The following TTLL11 variants were observed in gnomAD, a reference collection of about 807,000 sequenced individuals.
TTLL11 encodes tubulin tyrosine ligase like 11, also known as tubulin polyglutamylase TTLL11.
A neutral mutation model predicts 51.7 loss-of-function variants in TTLL11; 42 were observed. The ratio of observed to expected loss-of-function variants is 0.81; its 90% CI spans 0.64 to 1.05. The LOEUF (loss-of-function observed/expected upper bound fraction) is 1.05. TTLL11 is among the 50% of genes least tolerant of loss of function. The pLI is 0.00. For synonymous variants in TTLL11, 381 were observed against 383.5 expected, an observed-to-expected ratio of 0.99 and a Z score of 0.08; for missense variants, 799 against 940.4, an observed-to-expected ratio of 0.85 and a Z score of 1.97.
chr9:122,062,439 C>T (rs956891661), intron 1 of TTLL11, among the ~76,000 whole-genome samples: 2 of 145,750 alleles, frequency 1.4e-5, no homozygotes, highest in Non-Finnish European at 3.0e-5. Flanking sequence ...ATTATAAGAA[C>T]TGTGCAAGAT....
At chr9:121,903,209 A>T (rs559123311) in intron 6 of TTLL11, among the ~76,000 whole-genome samples, 48 of 152,306 alleles carry the variant, frequency 3.2e-4, no homozygotes, top group African/African-American at 1.1e-3. Context: ...TTACAGACAG[A>T]AAAACTAAAG....
chr9:121,822,646 G>T lies in TTLL11; in HGVS notation c.2074C>A (p.Pro692Thr). 2 of 1,521,352 alleles carry T rather than the reference G, an allele frequency of 1.3e-6. No individual in the cohort carries two copies. Among genetic ancestry groups the T allele is most frequent in the Non-Finnish European group, 1.8e-6 (2 of 1,133,522 alleles). 94.2% of individuals were successfully genotyped at this position (1,521,352 alleles called of 1,614,324 possible). A position where few individuals can be genotyped will look rare whatever the true frequency, so the allele number is the denominator to read the frequency against. Residue 692 changes from proline to threonine, a missense_variant, in exon 9 of 9, where the codon CCC becomes ACC. Pro to Thr is a conservative substitution (Grantham distance 38). Transcript: ENST00000321582. This position sits in a 1 kb window ranked among gnomAD's most constrained non-coding sequence, Gnocchi z 5.8. ...SPSAQPAGDN[P>T]PPRTSCANKL... ...TTGGCACAGCTGGTGCGGGGTGGGGGGTTGTCCCCTGCTGGCTGGGCCGAG... is the reference window on the plus strand; with the variant it reads ...TTGGCACAGCTGGTGCGGGGTGGGGTGTTGTCCCCTGCTGGCTGGGCCGAG...
intron 1 of TTLL11, among the ~76,000 whole-genome samples, chr9:122,056,147 G>A (rs547842593): frequency 1.1e-4 from 16 of 152,344 alleles, no homozygotes; most frequent in Non-Finnish European, 2.4e-4. Context: ...CCAAGGGAGA[G>A]AGAAGAGGTC....
chr9:121,939,946 G>A (rs1841381019), intron 6 of TTLL11, among the ~76,000 whole-genome samples: 4 of 152,236 alleles, frequency 2.6e-5, no homozygotes, highest in Middle Eastern at 6.8e-3. Flanking sequence ...GAGGCTGGGG[G>A]AGGGCTGGTG....
At chr9:121,931,426 C>G (rs1035227452) in intron 6 of TTLL11, among the ~76,000 whole-genome samples, 1 of 152,028 alleles carries the variant, frequency 6.6e-6, no homozygotes, top group Non-Finnish European at 1.5e-5. Flanking sequence ...CAACGTCTCA[C>G]CCCTGCCTTT....
At chr9:121,826,173 T>TATATATATATATATAA (rs1462210276) in intron 8 of TTLL11, among the ~76,000 whole-genome samples, 2 of 69,670 alleles carry the variant, frequency 2.9e-5, no homozygotes, top group African/African-American at 1.0e-4. Context: ...TATATATATA[T>TATATATATATATATAA]AACCAGTAAC....
chr9:122,005,292 G>A (rs1310138242), intron 3 of TTLL11, among the ~76,000 whole-genome samples: 1 of 152,208 alleles, frequency 6.6e-6, no homozygotes, highest in East Asian at 1.9e-4. Context: ...TTATTTGTTG[G>A]TACTGACTTC....
rs116781476 is a variant in TTLL11, at chr9:122,039,294, G to A, written c.537C>T (p.Ser179=). 2.1e-4 allele frequency: 334 copies of A among 1,613,748 alleles called. No individual in the cohort carries two copies. Among genetic ancestry groups the A allele is most frequent in the Admixed American group, 8.5e-4 (51 of 59,986 alleles). ...GVSFHDNDIF[S]GQVNKFPGMT... is the part of the protein sequence containing the mutation. ...TACCTGGAAACTTGTTCACTTGACC[G>A]GAGAATATGTCATTGTCGTGAAATG... Residue 179 remains serine, a synonymous_variant, in exon 2 of 9, where the codon TCC becomes TCT. Coordinates refer to ENST00000321582, the MANE Select transcript of TTLL11 (RefSeq NM_001139442.2).
intron 6 of TTLL11, among the ~76,000 whole-genome samples, chr9:121,877,390 C>T (rs1167490880): frequency 1.3e-5 from 2 of 152,158 alleles, no homozygotes; most frequent in African/African-American, 4.8e-5. Context: ...TGCTAGGCAA[C>T]TTGAAGGGAA....
chr9:121,983,379 C>T (rs965880651), intron 4 of TTLL11, among the ~76,000 whole-genome samples: 8 of 152,158 alleles, frequency 5.3e-5, no homozygotes, highest in African/African-American at 1.9e-4. Flanking sequence ...CAATCTGGAG[C>T]TCAAGGAAAG....
chr9:121,864,249 C>T (rs56188844), intron 7 of TTLL11, among the ~76,000 whole-genome samples: 5,024 of 152,214 alleles, frequency 0.033, 112 homozygotes, highest in Non-Finnish European at 0.051. Flanking sequence ...CCTTGGATAC[C>T]GTTCTCAGAG....
chr9:121,997,584 G>A (rs368933634), intron 3 of TTLL11, among the ~76,000 whole-genome samples: 7 of 152,316 alleles, frequency 4.6e-5, no homozygotes, highest in African/African-American at 1.7e-4. Context: ...GAGGGCGTGG[G>A]CTTCGGAGTC....
intron 6 of TTLL11, among the ~76,000 whole-genome samples, chr9:121,938,690 T>C (rs1362817071): frequency 6.6e-6 from 1 of 152,016 alleles, no homozygotes; most frequent in African/African-American, 2.4e-5. Flanking sequence ...GGCCAATAAA[T>C]CTATGAAAAG....
At chr9:121,972,395 A>T (rs2131652704) in intron 6 of TTLL11, among the ~76,000 whole-genome samples, 1 of 152,344 alleles carries the variant, frequency 6.6e-6, no homozygotes. Context: ...GCAGACACAT[A>T]CGTACTGGTG....
intron 1 of TTLL11, among the ~76,000 whole-genome samples, chr9:122,062,613 C>T (rs1845466484): frequency 6.6e-6 from 1 of 151,310 alleles, no homozygotes; most frequent in African/African-American, 2.4e-5. Context: ...GGTTTACAGG[C>T]ACCCACCACC....
At chr9:121,933,351 C>T (rs1841067434) in intron 6 of TTLL11, among the ~76,000 whole-genome samples, 1 of 152,108 alleles carries the variant, frequency 6.6e-6, no homozygotes, top group African/African-American at 2.4e-5. Flanking sequence ...AACGGGTTTT[C>T]AGCACAAGAA....
rs570230062 is a variant in TTLL11 at position 121,820,125 on chromosome 9, C to T, written c.*2462G>A. Among the ~76,000 whole-genome samples, 2 of 152,342 alleles carry T rather than the reference C, an allele frequency of 1.3e-5. No individual in the cohort carries two copies. Among genetic ancestry groups the T allele is most frequent in the South Asian group, 4.1e-4 (2 of 4,832 alleles). On this transcript the variant is annotated 3_prime_UTR_variant, in exon 9 of 9. Coordinates refer to ENST00000321582, the MANE Select transcript of TTLL11 (RefSeq NM_001139442.2). ...GGAGCAGCCCGCCTCCAGATGATGG[C>T]ATGGGGTGGGAGAGGCCCTCACCAG... is the stretch of plus-strand genomic sequence containing the variant.
Position 121,819,838 on chromosome 9 carries a change from G to T in TTLL11, c.*2749C>A, listed in dbSNP as rs935079116. Among the ~76,000 whole-genome samples, 1 of 152,202 alleles carries T rather than the reference G, an allele frequency of 6.6e-6. No individual in the cohort carries two copies. Among genetic ancestry groups the T allele is most frequent in the South Asian group, 2.1e-4 (1 of 4,830 alleles). On this transcript the variant is annotated 3_prime_UTR_variant, in exon 9 of 9. Coordinates refer to ENST00000321582, the MANE Select transcript of TTLL11 (RefSeq NM_001139442.2). ...AAAACGAGTGGCCGATTACCAAAGG[G>T]GTAAACACAGTGGTGCTTCTTATTA...
chr9:122,015,087 G>A (rs1168096998), intron 3 of TTLL11, among the ~76,000 whole-genome samples: 1 of 152,114 alleles, frequency 6.6e-6, no homozygotes, highest in Admixed American at 6.6e-5. Context: ...CCCAAACTGA[G>A]TGAAGATAAA....
Sources: allele counts gnomAD v4.1 joint callset (sites outside exome capture counted in the v4.1 genomes callset), GRCh38; gene constraint gnomAD v4.1.1; non-coding constraint Gnocchi (gnomAD v3.1); transcripts MANE v1.5; gene names NCBI Gene and HGNC (gene_info 2026-07-23, HGNC 2026-07-21).